Variants in STPG2 observed in about 807,000 individuals in gnomAD.
STPG2 encodes the protein sperm tail PG-rich repeat containing 2, also known as sperm-tail PG-rich repeat-containing protein 2.
STPG2 carries 56 observed loss-of-function variants against 54.2 expected under a neutral mutation model. The ratio of observed to expected loss-of-function variants is 1.03; its 90% CI spans 0.83 to 1.29. The LOEUF is 1.29. Among genes scored for constraint, STPG2 ranks in the 50% most tolerant of loss-of-function variants. The pLI is 0.00. For synonymous variants in STPG2, 200 were observed against 181.8 expected, an observed-to-expected ratio of 1.10 and a Z score of -0.81; for missense variants, 596 against 544.9, an observed-to-expected ratio of 1.09 and a Z score of -0.93.
intron 10 of STPG2, among the ~76,000 whole-genome samples, chr4:97,677,832 G>T (rs1722897042): frequency 6.6e-6 from 1 of 152,044 alleles, no homozygotes. Flanking sequence ...CCTACCTCTT[G>T]TTACAAAGAA....
intron 8 of STPG2, among the ~76,000 whole-genome samples, chr4:97,899,746 T>G (rs1731103624): frequency 6.6e-6 from 1 of 152,128 alleles, no homozygotes; most frequent in Non-Finnish European, 1.5e-5. Flanking sequence ...CAATAAATGG[T>G]GCCGGGATAA....
intron 10 of STPG2, among the ~76,000 whole-genome samples, chr4:97,704,772 G>A (rs944420550): frequency 8.6e-5 from 13 of 152,036 alleles, no homozygotes. Flanking sequence ...GTTTGTAAAC[G>A]GAGAAGTTTA....
chr4:98,010,229 T>C (rs1255898985), intron 5 of STPG2, among the ~76,000 whole-genome samples: 2 of 152,150 alleles, frequency 1.3e-5, no homozygotes, highest in Non-Finnish European at 2.9e-5. Flanking sequence ...TAGGTATTTA[T>C]TGATATAAAA....
At chr4:97,887,120 TA>T (rs1331337932) in intron 8 of STPG2, among the ~76,000 whole-genome samples, 1 of 152,102 alleles carries the variant, frequency 6.6e-6, no homozygotes, top group Non-Finnish European at 1.5e-5. Context: ...TATTTCTTCA[TA>T]GCAATGCAAG....
chr4:97,562,979 C>T (rs1397578401), intron 10 of STPG2, among the ~76,000 whole-genome samples: 1 of 152,134 alleles, frequency 6.6e-6, no homozygotes, highest in African/African-American at 2.4e-5. Context: ...GGAGGATTCC[C>T]TCTTTTTCTA....
intron 10 of STPG2, among the ~76,000 whole-genome samples, chr4:97,615,423 A>C (rs1001712081): frequency 5.3e-5 from 8 of 152,056 alleles, no homozygotes; most frequent in Non-Finnish European, 1.5e-5. Flanking sequence ...TTCATTTACT[A>C]ATCTTTCCCA....
intron 8 of STPG2, among the ~76,000 whole-genome samples, chr4:97,898,326 C>T (rs1731040088): frequency 6.6e-6 from 1 of 151,100 alleles, no homozygotes; most frequent in Non-Finnish European, 1.5e-5. Context: ...TCATGTGTTA[C>T]TCTTATAAAT....
chr4:98,038,290 G>A (rs1175229493), intron 5 of STPG2, among the ~76,000 whole-genome samples: 1 of 152,084 alleles, frequency 6.6e-6, no homozygotes, highest in Non-Finnish European at 1.5e-5. Context: ...GGGCAGTATA[G>A]GGGATCTTAG....
chr4:97,957,736 C>T (rs113580020), intron 7 of STPG2, among the ~76,000 whole-genome samples: 9,172 of 152,218 alleles, frequency 0.06, 372 homozygotes, highest in South Asian at 0.097. Flanking sequence ...AGAAACCCTA[C>T]AAGCTAGAAG....
rs375968805 is a variant in STPG2, at chr4:97,898,697, T to C, written c.1044+45200A>G. ...CCATATAATTTAAAAGCTTTAATTA[T>C]TAGATTACAAACAACTTAAGTGCAA... On this transcript the variant is annotated intron_variant, in intron 8 of 10. Transcript: ENST00000295268. 3.8e-4 allele frequency among the ~76,000 whole-genome samples: 58 copies of C among 151,854 alleles called. 4 individuals carry two copies. In the East Asian group the frequency reaches 4.2e-3, roughly 11 times the overall value.
At chr4:97,457,648 T>G (rs1729562306) in intron 4 of STPG2, among the ~76,000 whole-genome samples, 1 of 152,172 alleles carries the variant, frequency 6.6e-6, no homozygotes, top group African/African-American at 2.4e-5. Flanking sequence ...AAAAAACCTC[T>G]AACATTTTAA....
intron 9 of STPG2, among the ~76,000 whole-genome samples, chr4:97,834,662 A>T (rs75516741): frequency 0.023 from 3,458 of 152,192 alleles, 83 homozygotes; most frequent in African/African-American, 0.065. Context: ...ATGTTATTAG[A>T]TGCTAGTCTC....
chr4:97,612,904 T>TTAAAA (rs2148916430), intron 10 of STPG2, among the ~76,000 whole-genome samples: 1 of 152,114 alleles, frequency 6.6e-6, no homozygotes, highest in East Asian at 1.9e-4. Flanking sequence ...ATAATGATAA[T>TTAAAA]TAAAAATATA....
chr4:97,938,131 T>A (rs1294772968), intron 8 of STPG2, among the ~76,000 whole-genome samples: 1 of 152,138 alleles, frequency 6.6e-6, no homozygotes, highest in Non-Finnish European at 1.5e-5. Context: ...AGAGCAGGGA[T>A]GGGTCAGGAT....
At chr4:97,667,032 T>C (rs1722551597) in intron 10 of STPG2, among the ~76,000 whole-genome samples, 2 of 152,164 alleles carry the variant, frequency 1.3e-5, no homozygotes, top group Non-Finnish European at 1.5e-5. Flanking sequence ...CTTCTTGCCC[T>C]CAACCTATGT....
At chr4:97,795,199 T>G (rs1261877555) in intron 9 of STPG2, among the ~76,000 whole-genome samples, 2 of 152,188 alleles carry the variant, frequency 1.3e-5, no homozygotes, top group East Asian at 3.9e-4. Context: ...TTAATTTTTC[T>G]TTCTTTCTTT....
chr4:97,678,352 A>G (rs1457132090), intron 10 of STPG2, among the ~76,000 whole-genome samples: 1 of 151,322 alleles, frequency 6.6e-6, no homozygotes, highest in Non-Finnish European at 1.5e-5. Flanking sequence ...GAATAAAATT[A>G]GCACACAAAA....
chr4:97,552,327 A>G (rs1034801969), intron 4 of STPG2, among the ~76,000 whole-genome samples: 8 of 152,106 alleles, frequency 5.3e-5, no homozygotes, highest in Non-Finnish European at 1.0e-4. Context: ...GTTCTTACAT[A>G]GGATAAGTGC....
chr4:97,484,721 A>G (rs1316414677), intron 4 of STPG2, among the ~76,000 whole-genome samples: 2 of 151,860 alleles, frequency 1.3e-5, no homozygotes, highest in East Asian at 3.9e-4. Context: ...TGAGGCCAGC[A>G]TCACCTTAAT....
Sources: gnomAD v4.1 joint callset for allele counts (sites outside exome capture counted in the v4.1 genomes callset) on GRCh38, gnomAD v4.1.1 for gene constraint, MANE v1.5 for transcripts, NCBI Gene and HGNC (gene_info 2026-07-23, HGNC 2026-07-21) for gene names.